SCAPER: variants seen among roughly 807,000 people sequenced by gnomAD.
SCAPER encodes S-phase cyclin A associated protein in the ER, also known as S phase cyclin A-associated protein in the endoplasmic reticulum.
In SCAPER, 98 loss-of-function variants were observed where a neutral mutation model predicts 182.2. That is an observed-to-expected ratio of 0.54 (90% CI 0.46 to 0.64). SCAPER has a LOEUF of 0.64. Among genes scored for constraint, SCAPER ranks in the 30% least tolerant of loss-of-function variants. The pLI, the probability that SCAPER is intolerant of heterozygous loss-of-function variation, is 0.00. For synonymous variants in SCAPER, 605 were observed against 564.6 expected (o/e 1.07, Z -1.01); for missense variants, 1,432 against 1,690.0 (o/e 0.85, Z 2.68).
chr15:76,433,609 AATC>A (rs1170960203), intron 26 of SCAPER, among the ~76,000 whole-genome samples: 1 of 152,174 alleles, frequency 6.6e-6, no homozygotes, highest in Non-Finnish European at 1.5e-5. Flanking sequence ...TCACTGAGAT[AATC>A]ATTTTTCCCT....
At chr15:76,414,619 T>C (rs1450851679) in intron 26 of SCAPER, among the ~76,000 whole-genome samples, 4 of 152,020 alleles carry the variant, frequency 2.6e-5, no homozygotes, top group African/African-American at 7.2e-5. Flanking sequence ...CAAACAGTTA[T>C]GTGAGAAATT....
At chr15:76,764,917 A>G (rs1012589827) in intron 14 of SCAPER, 44 bp downstream of exon 14, 18 of 1,171,776 alleles carry the variant, frequency 1.5e-5, no homozygotes, top group Non-Finnish European at 2.2e-5. Context: ...AAATAAGCCC[A>G]GCAACTTCAG....
intron 29 of SCAPER, among the ~76,000 whole-genome samples, chr15:76,356,543 T>A (rs1190185941): frequency 6.6e-6 from 1 of 152,148 alleles, no homozygotes; most frequent in Admixed American, 6.5e-5. Flanking sequence ...AAAATACGCA[T>A]AATTAAGAGA....
In SCAPER at chr15:76,720,053, A is replaced by G. The variant is rs931606186; in HGVS notation, c.2165+8542T>C. Among the ~76,000 whole-genome samples, 11 of 151,070 alleles carry G rather than the reference A, an allele frequency of 7.3e-5. No homozygotes were observed. The East Asian group carries it at 1.8e-3, about 24-fold the overall frequency. On this transcript the variant is annotated intron_variant, in intron 17 of 31. Coordinates refer to ENST00000563290, the MANE Select transcript of SCAPER (RefSeq NM_020843.4). ...ATTAACTCATCATTTAGCATTAGGT[A>G]TATCTCCTAATGCTATACTTCCCCC...
intron 12 of SCAPER, 45 bp from the exon 13 acceptor site, chr15:76,765,499 T>G (rs1276027294): frequency 6.2e-7 from 1 of 1,609,496 alleles, no homozygotes; most frequent in South Asian, 1.1e-5. Context: ...CATAGGTCTA[T>G]AAAACATTTG....
At chr15:76,634,842 TGTGG>T (rs1254299259) in intron 21 of SCAPER, among the ~76,000 whole-genome samples, 7 of 138,908 alleles carry the variant, frequency 5.0e-5, no homozygotes. Context: ...TAAAATTGGG[TGTGG>T]GTATTTGTGT....
chr15:76,375,488 T>G (rs2042494422), intron 29 of SCAPER, among the ~76,000 whole-genome samples: 1 of 151,918 alleles, frequency 6.6e-6, no homozygotes. Context: ...TGACCCAACT[T>G]GGAAGATGTA....
At chr15:76,699,938 T>C (rs1193076877) in intron 20 of SCAPER, among the ~76,000 whole-genome samples, 2 of 152,182 alleles carry the variant, frequency 1.3e-5, no homozygotes, top group Admixed American at 6.5e-5. Flanking sequence ...GCAAAGTCCA[T>C]GCAGCTGCCA....
At chr15:76,800,419 A>G (rs1219922327) in intron 6 of SCAPER, 55 bp from the exon 7 acceptor site, 6 of 1,143,920 alleles carry the variant, frequency 5.2e-6, no homozygotes, top group Non-Finnish European at 7.8e-6. Flanking sequence ...GGAGAAACAA[A>G]TAATCTTTTC....
At chr15:76,871,845 C>A (rs909437215) in intron 2 of SCAPER, among the ~76,000 whole-genome samples, 1 of 152,084 alleles carries the variant, frequency 6.6e-6, no homozygotes, top group Non-Finnish European at 1.5e-5. Flanking sequence ...CCCGCCTCAG[C>A]CTCCCAAAGT....
In SCAPER at chr15:76,551,916, C is replaced by T. The variant is rs115414885; in HGVS notation, c.2838+22242G>A. 2.7e-3 allele frequency among the ~76,000 whole-genome samples: 411 copies of T among 152,092 alleles called. 1 individual carries two copies. The highest frequency in any genetic ancestry group is 9.4e-3 in the African/African-American group (392 of 41,494). On this transcript the variant is annotated intron_variant, in intron 23 of 31. Coordinates refer to ENST00000563290, the MANE Select transcript of SCAPER (RefSeq NM_020843.4). ...TGTTGCTTGGTCAGTTTCCATTGCT[C>T]CTCTTTCTTTGGCCTGGGAGGCCTA...
chr15:76,566,720 T>C (rs1321966977), intron 23 of SCAPER, among the ~76,000 whole-genome samples: 1 of 152,066 alleles, frequency 6.6e-6, no homozygotes, highest in East Asian at 1.9e-4. Context: ...TTTGAAATAA[T>C]TGAACATTTC....
intron 17 of SCAPER, among the ~76,000 whole-genome samples, chr15:76,712,763 G>GC (rs1204199098): frequency 6.6e-6 from 1 of 152,092 alleles, no homozygotes; most frequent in Non-Finnish European, 1.5e-5. Context: ...GTATAAGAAT[G>GC]CTTGTGATTT....
At chr15:76,721,067 T>A (rs1310775966) in intron 17 of SCAPER, among the ~76,000 whole-genome samples, 1 of 152,226 alleles carries the variant, frequency 6.6e-6, no homozygotes, top group African/African-American at 2.4e-5. Context: ...AGGTCTAACC[T>A]TTAAGTCTTT....
chr15:76,625,911 T>G (rs575957167), intron 21 of SCAPER, among the ~76,000 whole-genome samples: 1 of 151,766 alleles, frequency 6.6e-6, no homozygotes, highest in African/African-American at 2.4e-5. Context: ...TCCAATCTTT[T>G]GGCTTCCCTG....
At chr15:76,511,843 A>ATATATATATATG (rs151255382) in intron 23 of SCAPER, among the ~76,000 whole-genome samples, 3 of 123,308 alleles carry the variant, frequency 2.4e-5, no homozygotes, top group African/African-American at 1.0e-4. Context: ...ATATATATAT[A>ATATATATATATG]TGTGTGTGTG....
intron 15 of SCAPER, among the ~76,000 whole-genome samples, chr15:76,738,538 T>C (rs2061390267): frequency 8.9e-5 from 2 of 22,414 alleles, no homozygotes; most frequent in South Asian, 7.7e-3. Flanking sequence ...CGAGACTCTG[T>C]CTCAAAAAAA....
intron 17 of SCAPER, 87 bp from the exon 18 acceptor site, chr15:76,706,071 G>A: frequency 1.0e-6 from 1 of 989,968 alleles, no homozygotes; most frequent in Non-Finnish European, 1.5e-6. Context: ...GACACATAGG[G>A]TCATATAGTC....
chr15:76,591,428 G>T (rs1208869834), intron 22 of SCAPER, among the ~76,000 whole-genome samples: 1 of 152,168 alleles, frequency 6.6e-6, no homozygotes, highest in African/African-American at 2.4e-5. Context: ...CAACAATAGA[G>T]TAATTCTTGA....
Sources: allele counts gnomAD v4.1 joint callset (sites outside exome capture counted in the v4.1 genomes callset), GRCh38; gene constraint gnomAD v4.1.1; transcripts MANE v1.5; gene names NCBI Gene and HGNC (gene_info 2026-07-23, HGNC 2026-07-21).